The following C4orf50 variants were observed in gnomAD, a reference collection of about 807,000 sequenced individuals.
C4orf50 encodes the protein uncharacterized protein C4orf50.
C4orf50 carries 80 observed loss-of-function variants against 77.2 expected under a neutral mutation model. The ratio of observed to expected loss-of-function variants is 1.04; its 90% CI spans 0.87 to 1.25. The LOEUF is 1.25. Among genes scored for constraint, C4orf50 ranks in the 50% most tolerant of loss-of-function variants. The pLI is 0.00. For synonymous variants in C4orf50, 532 were observed against 465.3 expected (o/e 1.14, Z -1.84); for missense variants, 1,257 against 1,152.9 (o/e 1.09, Z -1.31).
At chr4:5,973,037 T>A (rs1720024549) in intron 31 of C4orf50, among the ~76,000 whole-genome samples, 1 of 152,232 alleles carries the variant, frequency 6.6e-6, no homozygotes, top group Admixed American at 6.5e-5. Flanking sequence ...TCAACCAACA[T>A]TCTTCCAGGT....
intron 30 of C4orf50, among the ~76,000 whole-genome samples, chr4:5,974,102 C>G (rs1019386393): frequency 6.6e-6 from 1 of 152,194 alleles, no homozygotes; most frequent in African/African-American, 2.4e-5. Flanking sequence ...GGGTCAAGAG[C>G]GTGGATTTGG....
chr4:5,913,414 G>A (rs187546126), intron 7 of C4orf50, among the ~76,000 whole-genome samples: 2,406 of 152,148 alleles, frequency 0.016, 21 homozygotes, highest in Non-Finnish European at 0.025. Context: ...GGGTAGTGAG[G>A]GTCAGAGAAA....
chr4:5,972,958 C>T (rs910698981), intron 31 of C4orf50, among the ~76,000 whole-genome samples: 2 of 152,242 alleles, frequency 1.3e-5, no homozygotes, highest in African/African-American at 4.8e-5. Context: ...CCTCTCTGGC[C>T]TCAGCTTCCT....
chr4:5,973,264 A>G (rs536587754), intron 31 of C4orf50, among the ~76,000 whole-genome samples: 97 of 152,266 alleles, frequency 6.4e-4, no homozygotes, highest in Non-Finnish European at 1.2e-3. Context: ...GCAAGGTCAC[A>G]CCTCTACCTT....
In C4orf50 at chr4:5,992,465, G is replaced by A. The variant is rs539151328; in HGVS notation, c.1221+338C>T. On this transcript the variant is annotated intron_variant, in intron 27 of 33. Transcript: ENST00000531445. This position sits in a 1 kb window ranked among gnomAD's most constrained non-coding sequence, Gnocchi z 5.0. The stretch of plus-strand genomic sequence containing the variant: ...TCCACCTCCAAGCTGGGGACCTTGG[G>A]GAGTCACAGCAGCCCTTGGAGTCTC... Among the ~76,000 whole-genome samples the A allele has an allele frequency of 6.6e-6, 1 of 152,168 alleles. No homozygotes were observed. The highest frequency in any genetic ancestry group is 2.4e-5 in the African/African-American group (1 of 41,528).
In C4orf50 at chr4:5,930,597, G is replaced by A. The variant is rs781152457; in HGVS notation, c.*2474+26304C>T. 1.1e-4 allele frequency among the ~76,000 whole-genome samples: 16 copies of A among 152,354 alleles called. No homozygotes were observed. The South Asian group carries it at 1.9e-3, about 18-fold the overall frequency. ...GTGCCTCCCGTGTCTCACTGTGGGC[G>A]TGTGTGCAGCAGCTCTGCATAGAGC... On this transcript the variant is annotated intron_variant, in intron 7 of 7. Transcript: ENST00000324058.
chr4:5,969,354 A>G (rs1363418771), intron 31 of C4orf50, among the ~76,000 whole-genome samples: 1 of 151,578 alleles, frequency 6.6e-6, no homozygotes, highest in Non-Finnish European at 1.5e-5. Flanking sequence ...TAATTCTTCA[A>G]TCGTCTGAGT....
At chr4:5,968,020 T>C (rs1719684766) in intron 31 of C4orf50, among the ~76,000 whole-genome samples, 1 of 152,230 alleles carries the variant, frequency 6.6e-6, no homozygotes, top group Admixed American at 6.5e-5. Context: ...GTTAGAGTTG[T>C]TTCCAGACTG....
chr4:5,997,527 G>T (rs994644907), intron 25 of C4orf50, among the ~76,000 whole-genome samples: 6 of 152,208 alleles, frequency 3.9e-5, no homozygotes, highest in Non-Finnish European at 5.9e-5. Flanking sequence ...CAGAGCTCAG[G>T]TTTCTAAACC....
chr4:5,959,232 A>C lies in C4orf50; in HGVS notation c.*143T>G, dbSNP rs1270770149. ...TTTCTCTCAAGCTCTGACAATGAAC[A>C]CAAAATCCCAAAGCCGAAGGCAAAA... is the stretch of plus-strand genomic sequence containing the variant. On this transcript the variant is annotated 3_prime_UTR_variant, in exon 34 of 34. Transcript: ENST00000531445. The C allele has an allele frequency of 8.1e-6, 8 of 982,958 alleles. No homozygotes were observed. The East Asian group carries it at 1.7e-4, about 21-fold the overall frequency. The allele number at this position is 982,958 out of a possible 1,614,324, so 60.9% of individuals were successfully genotyped here. A position where few individuals can be genotyped will look rare whatever the true frequency, so the allele number is the denominator to read the frequency against.
At chr4:5,941,950 T>G (rs983249570) in intron 7 of C4orf50, among the ~76,000 whole-genome samples, 5 of 152,220 alleles carry the variant, frequency 3.3e-5, no homozygotes, top group African/African-American at 1.2e-4. Context: ...GGTTTTGGTT[T>G]CAGTCCCAAA....
intron 32 of C4orf50, among the ~76,000 whole-genome samples, chr4:5,966,024 G>A (rs940563571): frequency 1.3e-5 from 2 of 152,170 alleles, no homozygotes; most frequent in African/African-American, 4.8e-5. Context: ...CAGATCCTTG[G>A]GAGCCCCATC....
In C4orf50 at chr4:6,018,283, C is replaced by T. The variant is rs1388738184; in HGVS notation, c.149G>A (p.Arg50Gln). Residue 50 changes from arginine to glutamine, a missense_variant, in exon 23 of 34, where the codon CGG becomes CAG. Arg to Gln is a conservative substitution (Grantham distance 43, BLOSUM62 1). Transcript: ENST00000531445. The surrounding 1 kb of genome is among the most constrained non-coding windows in gnomAD (Gnocchi z 5.1). ...AGCTGCTTCTTCCTGAAGACATTCC[C>T]GCTCCTCAGCACTATCTTCCATGTC... is the stretch of plus-strand genomic sequence containing the variant. The T allele has an allele frequency of 7.5e-6, 3 of 399,028 alleles. No individual in the cohort carries two copies. In the East Asian group the frequency reaches 1.1e-4, roughly 14 times the overall value. 24.7% of individuals were successfully genotyped at this position (399,028 alleles called of 1,614,324 possible).
At chr4:5,969,249 A>G (rs1474179876) in intron 31 of C4orf50, among the ~76,000 whole-genome samples, 2 of 152,056 alleles carry the variant, frequency 1.3e-5, no homozygotes, top group African/African-American at 2.4e-5. Context: ...CATAAAAGGC[A>G]GGAGTTAAAG....
At chr4:5,990,582 A>C in exon 28 of C4orf50, 1 of 399,124 alleles carries the variant, frequency 2.5e-6, no homozygotes, top group South Asian at 1.3e-4. Flanking sequence ...TTTTTTGTCC[A>C]TCTGAGGGAA....
chr4:6,011,343 C>G lies in C4orf50; in HGVS notation c.426+487G>C, dbSNP rs550343901. Among the ~76,000 whole-genome samples the G allele has an allele frequency of 3.7e-4, 56 of 152,248 alleles. No homozygotes were observed. Among genetic ancestry groups the G allele is most frequent in the African/African-American group, 1.3e-3 (54 of 41,544 alleles). On this transcript the variant is annotated intron_variant, in intron 24 of 33. Transcript: ENST00000531445. This position sits in a 1 kb window ranked among gnomAD's most constrained non-coding sequence, Gnocchi z 4.2. ...CTCCCACACCTCTGTGCTACGGCCC[C>G]GTGCTGTCAGCCACGCCTCACATGC...
chr4:5,988,678 C>T lies in C4orf50; in HGVS notation c.3368G>A (p.Gly1123Glu), dbSNP rs760184713. The stretch of plus-strand genomic sequence containing the variant: ...GTCTAGAGCGTGCATCTTGGCTTTT[C>T]CCTGGAGGTGCTCCCTTCCCCTCAC... Residue 1123 changes from glycine (G) to glutamate (E), a missense_variant, in exon 28 of 34, where the codon GGA becomes GAA. Gly to Glu is a moderately conservative substitution (Grantham distance 98). Transcript: ENST00000531445. 7.2e-6 allele frequency: 11 copies of T among 1,535,956 alleles called. No homozygotes were observed. The Admixed American group carries it at 9.8e-5, about 14-fold the overall frequency.
intron 7 of C4orf50, among the ~76,000 whole-genome samples, chr4:5,907,557 G>C (rs528969456): frequency 2.6e-5 from 4 of 152,088 alleles, no homozygotes; most frequent in African/African-American, 7.2e-5. Context: ...CTCTACAGGC[G>C]AGCTAAACAG....
rs937149482 is a variant in C4orf50, at chr4:6,011,507, C to G, written c.426+323G>C. 6.6e-6 allele frequency among the ~76,000 whole-genome samples: 1 copy of G among 152,084 alleles called. No homozygotes were observed. The highest frequency in any genetic ancestry group is 1.9e-4 in the East Asian group (1 of 5,168). ...CATCCGGGTTTAGAGTTATTTGTTT[C>G]TTATCAGTCTCCCCCATCTGCATAA... On this transcript the variant is annotated intron_variant, in intron 24 of 33. Transcript: ENST00000531445. The surrounding 1 kb of genome is among the most constrained non-coding windows in gnomAD (Gnocchi z 4.2).
Sources: allele counts gnomAD v4.1 joint callset (sites outside exome capture counted in the v4.1 genomes callset), GRCh38; gene constraint gnomAD v4.1.1; non-coding constraint Gnocchi (gnomAD v3.1); transcripts MANE v1.5; gene names NCBI Gene and HGNC (gene_info 2026-07-23, HGNC 2026-07-21).